The following RSU1 variants were observed in gnomAD, a reference collection of about 807,000 sequenced individuals.
The protein encoded by RSU1 is Ras suppressor protein 1.
In RSU1, 26 loss-of-function variants were observed where a neutral mutation model predicts 31.1. That is an observed-to-expected ratio of 0.84 (90% CI 0.61 to 1.16). The LOEUF is 1.16. Ranked by LOEUF, RSU1 falls within the 50% of genes most tolerant of loss-of-function variation. The pLI is 0.00. For missense variants in RSU1, 320 were observed against 339.1 expected, an observed-to-expected ratio of 0.94 and a Z score of 0.44; for synonymous variants, 164 against 136.3, an observed-to-expected ratio of 1.20 and a Z score of -1.41.
intron 7 of RSU1, chr10:16,722,983 C>T (rs1210507772): frequency 6.7e-6 from 1 of 149,274 alleles, no homozygotes; most frequent in African/African-American, 2.5e-5. Flanking sequence ...TATATATACA[C>T]ACATATACAT....
intron 8 of RSU1, among the ~76,000 whole-genome samples, chr10:16,651,147 G>T (rs1348004255): frequency 3.9e-5 from 6 of 152,008 alleles, no homozygotes; most frequent in Admixed American, 3.9e-4. Flanking sequence ...TTTTACTACT[G>T]AGCTATGATG....
At chr10:16,689,195 A>G (rs1053882338) in intron 8 of RSU1, among the ~76,000 whole-genome samples, 6 of 152,192 alleles carry the variant, frequency 3.9e-5, no homozygotes, top group Non-Finnish European at 8.8e-5. Flanking sequence ...AGATCCTGGA[A>G]ATTTAACCCT....
At position 16,754,987 on chromosome 10, in the gene RSU1, A is replaced by G. The variant is rs146032793; in HGVS notation, c.284T>C (p.Met95Thr). 2.5e-6 allele frequency: 4 copies of G among 1,606,366 alleles called. No individual in the cohort carries two copies. The African/African-American group carries it at 4.0e-5, about 16-fold the overall frequency. ...LQKLKHLNLG[M>T]NRLNTLPRGF... ...TCGTGGCAAAGTGTTCAGCCTGTTCATGCTGTTGCAGGGGGACAAAAATCT... is the reference window on the plus strand; with the variant it reads ...TCGTGGCAAAGTGTTCAGCCTGTTCGTGCTGTTGCAGGGGGACAAAAATCT... Residue 95 changes from methionine to threonine, a missense_variant and splice_region_variant, in exon 5 of 9, where the codon ATG (methionine) becomes ACG (threonine). By Grantham distance (81) the Met-to-Thr change is moderately conservative (BLOSUM62 -1). Transcript: ENST00000345264.
intron 7 of RSU1, among the ~76,000 whole-genome samples, chr10:16,731,604 T>G (rs1276741758): frequency 1.3e-5 from 2 of 152,176 alleles, no homozygotes; most frequent in Non-Finnish European, 2.9e-5. Flanking sequence ...CACGCTAATT[T>G]ACAATCCAAC....
chr10:16,596,501 C>A (rs1426764501), intron 8 of RSU1, among the ~76,000 whole-genome samples: 2 of 152,162 alleles, frequency 1.3e-5, no homozygotes, highest in Non-Finnish European at 2.9e-5. Flanking sequence ...GAGTAATAAA[C>A]CCTGGAGGCA....
At chr10:16,660,452 C>T (rs1318077170) in intron 8 of RSU1, among the ~76,000 whole-genome samples, 1 of 152,138 alleles carries the variant, frequency 6.6e-6, no homozygotes, top group African/African-American at 2.4e-5. Context: ...AAGGTAAAAT[C>T]TCAAACCTTT....
chr10:16,695,175 A>G lies in RSU1; in HGVS notation c.599-20T>C. ...AGTTTCCTGGGGGGGGGGAAAAAAA[A>G]AGTGAAGGTCACTTCATCCAATACA... On this transcript the variant is annotated intron_variant, in intron 7 of 8. Transcript: ENST00000345264. 6.3e-7 allele frequency: 1 copy of G among 1,583,086 alleles called. No homozygotes were observed. The highest frequency in any genetic ancestry group is 8.6e-7 in the Non-Finnish European group (1 of 1,159,404).
intron 5 of RSU1, 85 bp from the exon 6 acceptor site, chr10:16,753,085 A>T (rs892225894): frequency 3.0e-5 from 30 of 1,009,782 alleles, no homozygotes; most frequent in East Asian, 9.9e-5. Flanking sequence ...GTCAGCTTTG[A>T]TTAATAACCC....
At chr10:16,639,459 T>A (rs1327517684) in intron 8 of RSU1, among the ~76,000 whole-genome samples, 1 of 152,186 alleles carries the variant, frequency 6.6e-6, no homozygotes, top group Admixed American at 6.5e-5. Context: ...ATCCTATTGA[T>A]TAGTATTAAA....
intron 7 of RSU1, among the ~76,000 whole-genome samples, chr10:16,744,943 A>T (rs1344675824): frequency 6.6e-6 from 1 of 152,040 alleles, no homozygotes; most frequent in African/African-American, 2.4e-5. Flanking sequence ...ACACAGGAGG[A>T]TAATTCCCAG....
Position 16,694,765 on chromosome 10 carries a change from C to T in RSU1, c.731+258G>A, listed in dbSNP as rs117266832. Among the ~76,000 whole-genome samples, 1,473 of 151,970 alleles carry T rather than the reference C, an allele frequency of 9.7e-3. 73 individuals are homozygous for T. The highest frequency in any genetic ancestry group is 0.079 in the Admixed American group (1,202 of 15,270). On this transcript the variant is annotated intron_variant, in intron 8 of 8. Transcript: ENST00000345264. ...TCTTTTTCTTTTTCTTTTGTAGAGA[C>T]GGGGTCTTGCTATGTTGCCCAGGCT...
chr10:16,596,108 G>C (rs1019621580), intron 8 of RSU1, among the ~76,000 whole-genome samples: 22 of 152,190 alleles, frequency 1.4e-4, no homozygotes, highest in African/African-American at 5.3e-4. Flanking sequence ...TGTCCCAGGT[G>C]GGAGACCACT....
At chr10:16,699,938 T>G (rs1286847746) in intron 7 of RSU1, among the ~76,000 whole-genome samples, 2 of 152,242 alleles carry the variant, frequency 1.3e-5, no homozygotes, top group African/African-American at 4.8e-5. Context: ...AAGCCTCTAG[T>G]ACAGCAAGCT....
chr10:16,700,479 T>C (rs1835769404), intron 7 of RSU1, among the ~76,000 whole-genome samples: 1 of 152,126 alleles, frequency 6.6e-6, no homozygotes, highest in Admixed American at 6.5e-5. Flanking sequence ...CTGCGGCGAA[T>C]CCTCACATGG....
At chr10:16,699,565 G>T (rs886367766) in intron 7 of RSU1, among the ~76,000 whole-genome samples, 1 of 152,206 alleles carries the variant, frequency 6.6e-6, no homozygotes, top group African/African-American at 2.4e-5. Flanking sequence ...GACGCCACAC[G>T]CTTCAGTGCG....
At chr10:16,735,984 C>A (rs961607056) in intron 7 of RSU1, among the ~76,000 whole-genome samples, 1 of 152,138 alleles carries the variant, frequency 6.6e-6, no homozygotes, top group Non-Finnish European at 1.5e-5. Context: ...CTCTGGTTTT[C>A]TCTGAGAAGC....
intron 7 of RSU1, among the ~76,000 whole-genome samples, chr10:16,708,812 T>C (rs1430859586): frequency 6.6e-6 from 1 of 150,952 alleles, no homozygotes; most frequent in African/African-American, 2.5e-5. Context: ...TTGTTTCTAT[T>C]ATCTTTTTTT....
intron 7 of RSU1, among the ~76,000 whole-genome samples, chr10:16,745,312 G>C (rs1836828202): frequency 6.6e-6 from 1 of 152,184 alleles, no homozygotes; most frequent in Non-Finnish European, 1.5e-5. Context: ...AAGACACCAG[G>C]AGGTGGGAGC....
intron 7 of RSU1, among the ~76,000 whole-genome samples, chr10:16,698,332 C>T (rs1835723019): frequency 6.6e-6 from 1 of 152,042 alleles, no homozygotes; most frequent in African/African-American, 2.4e-5. Context: ...TTTAAAGACC[C>T]CTCCTTGAAC....
Sources: allele counts gnomAD v4.1 joint callset (sites outside exome capture counted in the v4.1 genomes callset), GRCh38; gene constraint gnomAD v4.1.1; transcripts MANE v1.5; gene names NCBI Gene and HGNC (gene_info 2026-07-23, HGNC 2026-07-21).